The following TRPM5 variants were observed in gnomAD, a reference collection of about 807,000 sequenced individuals.
The protein encoded by TRPM5 is transient receptor potential cation channel subfamily M member 5.
In TRPM5, 121 loss-of-function variants were observed where a neutral mutation model predicts 124.9. The observed-to-expected ratio is 0.97, with a 90% confidence interval of 0.84 to 1.13. The LOEUF (loss-of-function observed/expected upper bound fraction) is 1.13, where lower values mean the gene tolerates loss of function less well. Among genes scored for constraint, TRPM5 ranks in the 50% most tolerant of loss-of-function variants. The pLI is 0.00. For missense variants in TRPM5, 1,643 were observed against 1,589.1 expected, an observed-to-expected ratio of 1.03 and a Z score of -0.58; for synonymous variants, 781 against 700.5, an observed-to-expected ratio of 1.11 and a Z score of -1.81.
upstream of TRPM5, among the ~76,000 whole-genome samples, chr11:2,427,873 G>GAGA (rs1845850757): frequency 6.6e-6 from 1 of 152,166 alleles, no homozygotes; most frequent in South Asian, 2.1e-4. Flanking sequence ...GTGGAGGACA[G>GAGA]GGAGGCAGAG....
upstream of TRPM5, among the ~76,000 whole-genome samples, chr11:2,427,937 T>A (rs1845851242): frequency 6.6e-6 from 1 of 152,164 alleles, no homozygotes; most frequent in African/African-American, 2.4e-5. Flanking sequence ...TCGGCCCCCA[T>A]GGTGTCTCAT....
chr11:2,443,835 A>G, the TRPM5 span, among the ~76,000 whole-genome samples: 1 of 76,786 alleles, frequency 1.3e-5, no homozygotes, highest in South Asian at 5.2e-4. The surrounding 1 kb of genome is among the most constrained non-coding windows in gnomAD (Gnocchi z 5.0). Flanking sequence ...CCCCCCCCCA[A>G]GCCTGAGACG....
intron 18 of TRPM5, among the ~76,000 whole-genome samples, chr11:2,408,878 A>G (rs1163770141): frequency 6.6e-6 from 1 of 152,096 alleles, no homozygotes; most frequent in East Asian, 1.9e-4. Context: ...TGTCTGTGTG[A>G]GCCTGTACAT....
chr11:2,412,338 A>ATCAGGGTTCAGCGTGCCATGG, intron 15 of TRPM5, 85 bp from the exon 21 acceptor site: 1 of 1,018,564 alleles, frequency 9.8e-7, no homozygotes, highest in Non-Finnish European at 1.5e-6. Context: ...TGGATCTGTA[A>ATCAGGGTTCAGCGTGCCATGG]GGATCAGGGT....
intron 15 of TRPM5, 98 bp downstream of exon 20, chr11:2,412,656 C>G: frequency 7.6e-7 from 1 of 1,308,624 alleles, no homozygotes; most frequent in Non-Finnish European, 1.0e-6. Context: ...TCTTGTTTTA[C>G]AGTTGGGGAG....
In TRPM5 at chr11:2,418,567, A is replaced by G. The variant is rs779786992; in HGVS notation, c.674T>C (p.Val225Ala). ...ATCACCATTGACCAGCAAGCAGAGG[A>G]CAGGGATCTCGATGCTGCCAGTGCC... The change falls in exon 5 of 24, where the codon GTC becomes GCC. Residue 225 changes from valine (V) to alanine (A), a missense_variant. Physicochemically the swap from Val to Ala is moderately conservative, Grantham distance 64. Coordinates refer to ENST00000155858, the Ensembl canonical transcript of TRPM5. 3 of 1,611,856 alleles carry G rather than the reference A, an allele frequency of 1.9e-6. No homozygotes were observed. The South Asian group carries it at 3.3e-5, about 18-fold the overall frequency.
At chr11:2,427,547 C>G (rs1434311850), upstream of TRPM5, among the ~76,000 whole-genome samples, 1 of 152,252 alleles carries the variant, frequency 6.6e-6, no homozygotes, top group Non-Finnish European at 1.5e-5. Flanking sequence ...GCCGAGCCCA[C>G]AGGCCTGCTG....
chr11:2,416,093 C>T (rs1845669677), intron 7 of TRPM5, 69 bp from the exon 13 acceptor site: 11 of 1,215,950 alleles, frequency 9.0e-6, no homozygotes, highest in Non-Finnish European at 1.2e-5. Context: ...GGCACAGGGT[C>T]CCCAAAGGTG....
chr11:2,419,861 G>C (rs940180265), intron 4 of TRPM5, among the ~76,000 whole-genome samples: 1 of 152,192 alleles, frequency 6.6e-6, no homozygotes, highest in African/African-American at 2.4e-5. Context: ...GCCTGGCGGC[G>C]GGAAGTAGCC....
exon 22 of TRPM5, chr11:2,406,037 G>A (rs749757438): frequency 6.2e-6 from 10 of 1,611,990 alleles, no homozygotes; most frequent in Admixed American, 1.7e-5. Context: ...CCAGACACTT[G>A]ATGCGCTTTT....
chr11:2,415,234 C>T (rs34551253), exon 9 of TRPM5: 47,166 of 1,572,974 alleles, frequency 0.03, 875 homozygotes, highest in Non-Finnish European at 0.036. Flanking sequence ...GGTGGCCCCG[C>T]GGGTGGCTCC....
exon 9 of TRPM5, chr11:2,415,452 A>G: frequency 6.3e-7 from 1 of 1,576,020 alleles, no homozygotes; most frequent in Non-Finnish European, 8.6e-7. Flanking sequence ...GTCCACCATC[A>G]CCTCCTCCAG....
At chr11:2,420,113 G>A (rs954134630) in intron 4 of TRPM5, 109 bp downstream of exon 9, 30 of 1,325,446 alleles carry the variant, frequency 2.3e-5, no homozygotes, top group Non-Finnish European at 2.8e-5. Flanking sequence ...CGTTCTGCCT[G>A]GGAAGCCCTC....
At chr11:2,436,323 C>T in the TRPM5 span, among the ~76,000 whole-genome samples, 2 of 152,282 alleles carry the variant, frequency 1.3e-5, no homozygotes, top group African/African-American at 2.4e-5. Flanking sequence ...GAGCCCCCCA[C>T]ACCATTGTAC....
the TRPM5 span, among the ~76,000 whole-genome samples, chr11:2,431,296 T>A: frequency 6.6e-6 from 1 of 152,094 alleles, no homozygotes; most frequent in Non-Finnish European, 1.5e-5. Flanking sequence ...GAGGGGCCTA[T>A]CTTGGGGGCC....
At chr11:2,432,192 G>A in the TRPM5 span, among the ~76,000 whole-genome samples, 6 of 152,228 alleles carry the variant, frequency 3.9e-5, no homozygotes, top group East Asian at 1.9e-4. Context: ...GCTCACCTGC[G>A]TCCATGCGTG....
At chr11:2,410,188 CG>C (rs1183303384) in intron 18 of TRPM5, among the ~76,000 whole-genome samples, 2 of 152,180 alleles carry the variant, frequency 1.3e-5, no homozygotes, top group Non-Finnish European at 2.9e-5. Context: ...GGAGGGGCTG[CG>C]GGGGCTGAGA....
Position 2,415,132 on chromosome 11 carries a change from G to A in TRPM5, c.1468C>T (p.Arg490Cys), listed in dbSNP as rs538532946. Residue 490 changes from arginine to cysteine, a missense_variant, in exon 9 of 24, where the codon CGC becomes TGC. Physicochemically the swap from Arg to Cys is radical, Grantham distance 180. Coordinates refer to ENST00000155858, the Ensembl canonical transcript of TRPM5. ...GAGCCCCCGCTCACCGCCCTCCTGC[G>A]GTCCCCTGGCCGGCCGTCCTGGTAG... is the stretch of plus-strand genomic sequence containing the variant. The A allele has an allele frequency of 2.2e-5, 35 of 1,570,180 alleles. No individual in the cohort carries two copies. The East Asian group carries it at 3.5e-4, about 16-fold the overall frequency.
At chr11:2,416,356 G>A (rs1845677070) in intron 7 of TRPM5, among the ~76,000 whole-genome samples, 1 of 152,216 alleles carries the variant, frequency 6.6e-6, no homozygotes, top group Non-Finnish European at 1.5e-5. Context: ...ACCCTTCCTG[G>A]ATGTTGTCGG....
Sources: allele counts gnomAD v4.1 joint callset (sites outside exome capture counted in the v4.1 genomes callset), GRCh38; gene constraint gnomAD v4.1.1; non-coding constraint Gnocchi (gnomAD v3.1); transcripts MANE v1.5; gene names NCBI Gene and HGNC (gene_info 2026-07-23, HGNC 2026-07-21).